Variants in NLRP11 observed in about 807,000 individuals in gnomAD.
NLRP11 encodes NLR family pyrin domain containing 11.
A neutral mutation model predicts 79.3 loss-of-function variants in NLRP11; 53 were observed. The ratio of observed to expected loss-of-function variants is 0.67; its 90% CI spans 0.54 to 0.84. NLRP11 has a LOEUF of 0.84. NLRP11 is among the 40% of genes least tolerant of loss of function. The pLI is 0.00. For synonymous variants in NLRP11, 518 were observed against 462.6 expected (o/e 1.12, Z -1.54); for missense variants, 1,264 against 1,255.0 (o/e 1.01, Z -0.11).
intron 1 of NLRP11, among the ~76,000 whole-genome samples, chr19:55,829,559 C>T (rs1443523836): frequency 6.7e-6 from 1 of 148,220 alleles, no homozygotes; most frequent in East Asian, 2.0e-4. Flanking sequence ...CCCAGCTACT[C>T]AGAAGGCTGA....
At chr19:55,796,171 G>A (rs747549034) in exon 6 of NLRP11, 2 of 1,613,958 alleles carry the variant, frequency 1.2e-6, no homozygotes, top group African/African-American at 2.7e-5. Context: ...GATAAGGTCA[G>A]TTTTCTCAGA....
chr19:55,820,334 G>A (rs112916641), intron 1 of NLRP11, among the ~76,000 whole-genome samples: 64 of 152,032 alleles, frequency 4.2e-4, no homozygotes, highest in African/African-American at 1.4e-3. Flanking sequence ...CTCAGTTTTA[G>A]GAAATCATAT....
chr19:55,819,479 G>A (rs1397851426), intron 1 of NLRP11, among the ~76,000 whole-genome samples: 2 of 152,132 alleles, frequency 1.3e-5, no homozygotes, highest in African/African-American at 2.4e-5. Context: ...TGAGATTGCC[G>A]AGTTGTGACT....
intron 5 of NLRP11, among the ~76,000 whole-genome samples, chr19:55,800,392 C>G (rs1374756440): frequency 1.3e-5 from 2 of 152,232 alleles, no homozygotes; most frequent in Non-Finnish European, 2.9e-5. Flanking sequence ...ACTGCAACAT[C>G]TGCCTCCTGG....
chr19:55,799,833 G>A (rs1047363288), intron 5 of NLRP11, among the ~76,000 whole-genome samples: 1 of 152,122 alleles, frequency 6.6e-6, no homozygotes, highest in African/African-American at 2.4e-5. Flanking sequence ...CATACGTGGT[G>A]GCAAGCTCTT....
At chr19:55,828,407 A>G (rs1214508007) in intron 1 of NLRP11, among the ~76,000 whole-genome samples, 1 of 149,874 alleles carries the variant, frequency 6.7e-6, no homozygotes, top group Non-Finnish European at 1.5e-5. Context: ...CCTAAAACTT[A>G]AAGTATAATA....
chr19:55,810,595 C>T (rs1980510152), intron 2 of NLRP11, among the ~76,000 whole-genome samples: 1 of 152,216 alleles, frequency 6.6e-6, no homozygotes, highest in African/African-American at 2.4e-5. Flanking sequence ...CTCCCAGGTT[C>T]AAGCGATTCT....
At chr19:55,790,805 TAG>T (rs554684487) in intron 7 of NLRP11, among the ~76,000 whole-genome samples, 2 of 152,036 alleles carry the variant, frequency 1.3e-5, no homozygotes, top group Non-Finnish European at 2.9e-5. Context: ...GTAAAATATA[TAG>T]AGAGTTAATG....
At chr19:55,836,520 G>C (rs1456389110), upstream of NLRP11, 1 of 152,216 alleles carries the variant, frequency 6.6e-6, no homozygotes, top group Non-Finnish European at 1.5e-5. Context: ...TTTTCTTCCC[G>C]CTTCCAGCCG....
rs534111123 is a variant in NLRP11, at chr19:55,797,510, C to T, written c.2172-1260G>A. Among the ~76,000 whole-genome samples the T allele has an allele frequency of 7.0e-4, 107 of 152,192 alleles. 3 individuals are homozygous for T. In the South Asian group the frequency reaches 0.02, roughly 29 times the overall value. ...ATACAGCAGAAAACTGGAAGAAATA[C>T]GATGGAATTCTAGCATTGTAAAGAC... On this transcript the variant is annotated intron_variant, in intron 5 of 9. Coordinates refer to ENST00000589093, the Ensembl canonical transcript of NLRP11.
chr19:55,831,549 G>A (rs567761159), intron 1 of NLRP11, among the ~76,000 whole-genome samples: 5 of 152,210 alleles, frequency 3.3e-5, no homozygotes, highest in East Asian at 1.9e-4. Context: ...GCGACAGAGC[G>A]AGACTCCGTC....
upstream of NLRP11, among the ~76,000 whole-genome samples, chr19:55,833,993 A>T (rs1983027265): frequency 6.6e-6 from 1 of 152,044 alleles, no homozygotes; most frequent in Non-Finnish European, 1.5e-5. Flanking sequence ...AGAGAAAAAT[A>T]ATTACAAGTG....
At chr19:55,801,646 C>T (rs749166737) in exon 5 of NLRP11, 34 of 1,613,752 alleles carry the variant, frequency 2.1e-5, no homozygotes, top group East Asian at 4.5e-5. Flanking sequence ...GGGAAATGGA[C>T]GTACAGTTGA....
intron 1 of NLRP11, among the ~76,000 whole-genome samples, chr19:55,830,617 G>GAAAAAAAAAA (rs1982660295): frequency 9.6e-6 from 1 of 104,324 alleles, no homozygotes; most frequent in Admixed American, 1.1e-4. Context: ...AAAAAAAAAT[G>GAAAAAAAAAA]CAACGTTGAG....
chr19:55,810,452 TTAC>T, intron 2 of NLRP11, 114 bp from the exon 3 acceptor site: 1 of 833,722 alleles, frequency 1.2e-6, no homozygotes, highest in African/African-American at 1.7e-5. Context: ...AAATTTTTAC[TTAC>T]TACTGCTTAT....
At chr19:55,822,543 T>C (rs7253098) in intron 1 of NLRP11, among the ~76,000 whole-genome samples, 71,818 of 150,582 alleles carry the variant, frequency 0.48, 20,139 homozygotes, top group African/African-American at 0.79. Context: ...TGGGCGCAGG[T>C]CAGTGGATGC....
intron 1 of NLRP11, among the ~76,000 whole-genome samples, chr19:55,827,244 C>T (rs888506033): frequency 4.9e-5 from 7 of 141,584 alleles, no homozygotes; most frequent in Admixed American, 3.6e-4. Context: ...CCCTTCCTTA[C>T]ACCTTATACA....
chr19:55,808,866 A>T, exon 3 of NLRP11: 1 of 1,614,108 alleles, frequency 6.2e-7, no homozygotes, highest in Non-Finnish European at 8.5e-7. Flanking sequence ...AGACAGTATA[A>T]TGAGACCATC....
At chr19:55,798,394 C>A in intron 5 of NLRP11, 1 of 939,412 alleles carries the variant, frequency 1.1e-6, no homozygotes, top group South Asian at 4.9e-5. Flanking sequence ...TTATCCTTAG[C>A]AAACTAACAT....
Sources: gnomAD v4.1 joint callset for allele counts (sites outside exome capture counted in the v4.1 genomes callset) on GRCh38, gnomAD v4.1.1 for gene constraint, MANE v1.5 for transcripts, NCBI Gene and HGNC (gene_info 2026-07-23, HGNC 2026-07-21) for gene names.